Variants in NUDT6 observed in about 807,000 individuals in gnomAD.
NUDT6 encodes FAD diphosphatase NUDT6.
Under a neutral mutation model 36.8 loss-of-function variants are expected in NUDT6, and 24 were observed. That is an observed-to-expected ratio of 0.65 (90% confidence interval 0.47 to 0.92). The LOEUF (loss-of-function observed/expected upper bound fraction) is 0.92, where lower values mean the gene tolerates loss of function less well. Ranked by LOEUF, NUDT6 falls within the 40% of genes least tolerant of loss-of-function variation. NUDT6 has a pLI of 0.00. For synonymous variants in NUDT6, 163 were observed against 157.0 expected (o/e 1.04, Z -0.29); for missense variants, 388 against 392.8 (o/e 0.99, Z 0.10).
At chr4:122,902,361 T>C (rs1727541218) in intron 3 of NUDT6, among the ~76,000 whole-genome samples, 1 of 152,196 alleles carries the variant, frequency 6.6e-6, no homozygotes, top group Non-Finnish European at 1.5e-5. Context: ...CCACCTTACA[T>C]AACATTTATT....
intron 2 of NUDT6, among the ~76,000 whole-genome samples, chr4:122,915,487 AAAAAAAAAAAAC>A (rs905106927): frequency 1.4e-5 from 2 of 139,434 alleles, no homozygotes; most frequent in African/African-American, 5.4e-5. Context: ...AAAAAAAAAA[AAAAAAAAAAAAC>A]AACTCTGCAC....
chr4:122,922,248 C>T, intron 1 of NUDT6, 87 bp downstream of exon 1: 1 of 1,172,416 alleles, frequency 8.5e-7, no homozygotes, highest in Non-Finnish European at 1.2e-6. Flanking sequence ...GACAGTGGTG[C>T]ACAGAGCGAC....
intron 4 of NUDT6, 163 bp from the exon 5 acceptor site, chr4:122,893,388 C>G (rs1727250649): frequency 1.7e-6 from 1 of 572,216 alleles, no homozygotes; most frequent in Non-Finnish European, 2.8e-6. Flanking sequence ...ATCAAGAAAT[C>G]CCAAAATATT....
chr4:122,912,688 C>T (rs755315157), intron 2 of NUDT6, 65 bp from the exon 3 acceptor site: 12 of 1,011,494 alleles, frequency 1.2e-5, no homozygotes, highest in Non-Finnish European at 1.7e-5. Context: ...TCTCCTCCCA[C>T]ACTCTCTATC....
chr4:122,904,440 T>C (rs1727579725), intron 3 of NUDT6, among the ~76,000 whole-genome samples: 1 of 151,750 alleles, frequency 6.6e-6, no homozygotes, highest in Non-Finnish European at 1.5e-5. Flanking sequence ...GATGAAAAGT[T>C]TTCTTCCCCA....
At chr4:122,909,190 C>G (rs780930966) in intron 3 of NUDT6, among the ~76,000 whole-genome samples, 20 of 151,982 alleles carry the variant, frequency 1.3e-4, no homozygotes, top group Non-Finnish European at 2.5e-4. Context: ...CACAGCCTCC[C>G]AAGTAGCTGG....
At chr4:122,897,092 A>G (rs45594531) in intron 4 of NUDT6, 3,313 of 152,484 alleles carry the variant, frequency 0.022, 61 homozygotes, top group Non-Finnish European at 0.036. Flanking sequence ...ACTTTCTTAT[A>G]TGACATTTTA....
At chr4:122,922,000 A>C (rs1041509301) in intron 1 of NUDT6, 4 of 290,052 alleles carry the variant, frequency 1.4e-5, no homozygotes, top group African/African-American at 6.5e-5. Flanking sequence ...ATTAACTCTC[A>C]GTAATTCCAG....
intron 1 of NUDT6, chr4:122,920,583 A>G (rs1049225888): frequency 2.8e-4 from 43 of 152,254 alleles, no homozygotes; most frequent in African/African-American, 9.4e-4. Context: ...AATTTGCCTA[A>G]TGCCTGGCTA....
intron 4 of NUDT6, chr4:122,893,735 A>G (rs1245179646): frequency 6.6e-6 from 1 of 152,256 alleles, no homozygotes; most frequent in Non-Finnish European, 1.5e-5. Context: ...TTTCAATTAA[A>G]TGCAAATTTG....
chr4:122,902,642 G>A (rs540748088), intron 3 of NUDT6, among the ~76,000 whole-genome samples: 2 of 152,302 alleles, frequency 1.3e-5, no homozygotes, highest in Admixed American at 6.5e-5. Context: ...GTATACAGCA[G>A]AGTATGTATA....
chr4:122,920,503 G>C (rs765134761), intron 1 of NUDT6: 17 of 152,128 alleles, frequency 1.1e-4, no homozygotes, highest in Non-Finnish European at 2.4e-4. Context: ...TTTGATCAAC[G>C]CATCTATCCA....
intron 3 of NUDT6, among the ~76,000 whole-genome samples, chr4:122,900,057 A>ACCCCC (rs57059464): frequency 4.3e-4 from 38 of 88,722 alleles, no homozygotes; most frequent in East Asian, 1.6e-3. Context: ...CACCCCCGCC[A>ACCCCC]CCCCCCCCCC....
intron 3 of NUDT6, among the ~76,000 whole-genome samples, chr4:122,900,067 C>G (rs1308590391): frequency 7.6e-6 from 1 of 131,852 alleles, no homozygotes; most frequent in Admixed American, 8.0e-5. Flanking sequence ...ACCCCCCCCC[C>G]GGCCCCCACC....
At chr4:122,899,590 G>T (rs1727468543) in intron 3 of NUDT6, among the ~76,000 whole-genome samples, 1 of 152,132 alleles carries the variant, frequency 6.6e-6, no homozygotes, top group Admixed American at 6.5e-5. Context: ...AGTGAGATGA[G>T]CATGTCTTCC....
chr4:122,920,246 G>C (rs537486141), intron 1 of NUDT6: 2 of 152,266 alleles, frequency 1.3e-5, no homozygotes, highest in East Asian at 3.9e-4. Context: ...ACCAGCAGGA[G>C]TTCTTCAAGG....
intron 2 of NUDT6, among the ~76,000 whole-genome samples, chr4:122,913,562 G>C (rs1489973576): frequency 6.6e-6 from 1 of 152,144 alleles, no homozygotes; most frequent in Non-Finnish European, 1.5e-5. Flanking sequence ...ATACAACACA[G>C]GCTGTGCCCC....
At position 122,921,611 on chromosome 4, in the gene NUDT6, A is replaced by AC. The variant is rs1261028558; in HGVS notation, c.238+723_238+724insG. On this transcript the variant is annotated intron_variant, in intron 1 of 4. Coordinates refer to ENST00000304430, the MANE Select transcript of NUDT6 (RefSeq NM_007083.5). ...ACCCTCTCTCAAAAAAAAAAAAAAA[A>AC]AAAAAAACAAACTGTACATTTAAAA... The AC allele has an allele frequency of 1.0e-3, 122 of 119,224 alleles. 3 individuals carry two copies. The highest frequency in any genetic ancestry group is 4.5e-3 in the African/African-American group (119 of 26,222). 7.4% of individuals were successfully genotyped at this position (119,224 alleles called of 1,614,324 possible).
chr4:122,913,137 G>C (rs56211681), intron 2 of NUDT6: 3,303 of 153,616 alleles, frequency 0.022, 61 homozygotes, highest in Non-Finnish European at 0.035. Context: ...GCCTGTCTTA[G>C]TCCATTTGGG....
Sources: gnomAD v4.1 joint callset for allele counts (sites outside exome capture counted in the v4.1 genomes callset) on GRCh38, gnomAD v4.1.1 for gene constraint, MANE v1.5 for transcripts, NCBI Gene and HGNC (gene_info 2026-07-23, HGNC 2026-07-21) for gene names.